The following ERBB4 variants were observed in gnomAD, a reference collection of about 807,000 sequenced individuals.
ERBB4 encodes the protein erb-b2 receptor tyrosine kinase 4, also known as receptor tyrosine-protein kinase erbB-4.
A neutral mutation model predicts 158.0 loss-of-function variants in ERBB4; 42 were observed. The ratio of observed to expected loss-of-function variants is 0.27; its 90% confidence interval spans 0.21 to 0.34. The LOEUF (loss-of-function observed/expected upper bound fraction) is 0.34. Among genes scored for constraint, ERBB4 ranks in the 10% least tolerant of loss-of-function variants. The pLI is 1.00. For missense variants in ERBB4, 1,333 were observed against 1,624.1 expected, an observed-to-expected ratio of 0.82 and a Z score of 3.08; for synonymous variants, 583 against 558.7, an observed-to-expected ratio of 1.04 and a Z score of -0.61.
rs1480649985 is a variant in ERBB4, at chr2:212,250,326, C to T, written c.83-125423G>A. ...CTTAAACATCTATTAATTTACACTT[C>T]CAACTGGGTGTGGAGTTTCCAACCT... On this transcript the variant is annotated intron_variant, in intron 1 of 27. Transcript: ENST00000342788. 2.0e-5 allele frequency among the ~76,000 whole-genome samples: 3 copies of T among 151,968 alleles called. No individual in the cohort carries two copies. The East Asian group carries it at 5.8e-4, about 29-fold the overall frequency.
At chr2:212,496,440 G>A (rs1690576869) in intron 1 of ERBB4, among the ~76,000 whole-genome samples, 1 of 151,996 alleles carries the variant, frequency 6.6e-6, no homozygotes, top group South Asian at 2.1e-4. Context: ...GTTGCTAATT[G>A]GACAAAGTAT....
Position 211,861,168 on chromosome 2 carries a change from GT to G in ERBB4, c.422-73010del, listed in dbSNP as rs1209589170. Reference sequence around the variant, plus strand: ...TATATATATATATTAAAAAAAAGTAGTTTTTTTTTTTTTTGAGACAGAGTCT... The same window carrying G: ...TATATATATATATTAAAAAAAAGTAGTTTTTTTTTTTTTGAGACAGAGTCT... On this transcript the variant is annotated intron_variant, in intron 3 of 27. Transcript: ENST00000342788. 5.3e-4 allele frequency among the ~76,000 whole-genome samples: 10 copies of G among 18,694 alleles called. 2 individuals are homozygous for G. Among genetic ancestry groups the G allele is most frequent in the Non-Finnish European group, 8.6e-4 (8 of 9,336 alleles). 12.3% of individuals were successfully genotyped at this position (18,694 alleles called of 152,430 possible).
chr2:212,401,131 G>A (rs1162619691), intron 1 of ERBB4, among the ~76,000 whole-genome samples: 2 of 152,090 alleles, frequency 1.3e-5, no homozygotes, highest in Non-Finnish European at 2.9e-5. Flanking sequence ...CAATGTCTGT[G>A]TATTCATTTC....
chr2:211,919,940 C>T (rs1226554418), intron 3 of ERBB4, among the ~76,000 whole-genome samples: 1 of 151,972 alleles, frequency 6.6e-6, no homozygotes, highest in Non-Finnish European at 1.5e-5. Flanking sequence ...ATTTAAACAA[C>T]CACTAATCTT....
chr2:212,053,166 G>A (rs778072342), intron 2 of ERBB4, among the ~76,000 whole-genome samples: 1 of 152,208 alleles, frequency 6.6e-6, no homozygotes, highest in Non-Finnish European at 1.5e-5. Context: ...CTGGGAAAGA[G>A]TGAGGCCGTG....
chr2:212,297,812 C>A (rs1391944068), intron 1 of ERBB4, among the ~76,000 whole-genome samples: 2 of 151,594 alleles, frequency 1.3e-5, no homozygotes, highest in South Asian at 4.2e-4. Flanking sequence ...TGACCAATAG[C>A]AATGAGTCCA....
At position 211,897,400 on chromosome 2, in the gene ERBB4, G is replaced by A. The variant is rs146570469; in HGVS notation, c.421+50030C>T. Among the ~76,000 whole-genome samples the A allele has an allele frequency of 1.5e-3, 222 of 150,190 alleles. 1 individual carries two copies. Among genetic ancestry groups the A allele is most frequent in the African/African-American group, 5.1e-3 (208 of 40,712 alleles). ...ACCTTTATAATGATGCATATGAAGG[G>A]CTCTTTTCATCTTCCTGTAAGATCA... is the stretch of plus-strand genomic sequence containing the variant. On this transcript the variant is annotated intron_variant, in intron 3 of 27. Coordinates refer to ENST00000342788, the MANE Select transcript of ERBB4 (RefSeq NM_005235.3).
chr2:212,024,543 G>A (rs891831182), intron 2 of ERBB4, among the ~76,000 whole-genome samples: 5 of 151,794 alleles, frequency 3.3e-5, no homozygotes, highest in Admixed American at 3.3e-4. Flanking sequence ...AGAATCCCTT[G>A]ACAACATTCT....
At chr2:212,445,397 C>G (rs1327338934) in intron 1 of ERBB4, among the ~76,000 whole-genome samples, 1 of 152,088 alleles carries the variant, frequency 6.6e-6, no homozygotes, top group Non-Finnish European at 1.5e-5. Flanking sequence ...TTCTGCTGGC[C>G]TAGAGGTCTT....
intron 1 of ERBB4, among the ~76,000 whole-genome samples, chr2:212,325,863 T>A (rs2087802711): frequency 6.6e-6 from 1 of 150,502 alleles, no homozygotes; most frequent in African/African-American, 2.4e-5. Flanking sequence ...ATAGGAAACA[T>A]TTTTTCCATA....
At chr2:212,148,238 T>C (rs1001716691) in intron 1 of ERBB4, among the ~76,000 whole-genome samples, 1 of 152,132 alleles carries the variant, frequency 6.6e-6, no homozygotes, top group African/African-American at 2.4e-5. Flanking sequence ...TATTCTACTT[T>C]TTTATGCAAT....
At chr2:211,709,668 G>A (rs1350960141) in intron 9 of ERBB4, among the ~76,000 whole-genome samples, 2 of 152,046 alleles carry the variant, frequency 1.3e-5, no homozygotes, top group Admixed American at 6.6e-5. Flanking sequence ...AAAGGATTGA[G>A]TCATGTTTTA....
At chr2:211,566,187 G>T (rs1380370733) in intron 19 of ERBB4, among the ~76,000 whole-genome samples, 1 of 152,148 alleles carries the variant, frequency 6.6e-6, no homozygotes, top group Non-Finnish European at 1.5e-5. Flanking sequence ...GACCAGAACT[G>T]GTAGGAAAGA....
chr2:212,126,446 G>A (rs1273388645), intron 1 of ERBB4, among the ~76,000 whole-genome samples: 3 of 117,772 alleles, frequency 2.5e-5, no homozygotes, highest in Non-Finnish European at 5.0e-5. Context: ...GAGCAACAGA[G>A]TGAGACTCTG....
intron 1 of ERBB4, among the ~76,000 whole-genome samples, chr2:212,226,524 C>A (rs2083476640): frequency 6.6e-6 from 1 of 151,988 alleles, no homozygotes; most frequent in South Asian, 2.1e-4. Context: ...AGGAAAGAAA[C>A]CATAATTATA....
chr2:211,384,484 A>C (rs1312109979), intron 27 of ERBB4, among the ~76,000 whole-genome samples: 1 of 152,198 alleles, frequency 6.6e-6, no homozygotes, highest in African/African-American at 2.4e-5. Context: ...AAGAATCTAT[A>C]GCTGAGTTCC....
chr2:211,531,310 C>T (rs1328309326), intron 20 of ERBB4, among the ~76,000 whole-genome samples: 1 of 152,006 alleles, frequency 6.6e-6, no homozygotes, highest in Non-Finnish European at 1.5e-5. Flanking sequence ...CAAAAAAGGA[C>T]ACATGGGATC....
chr2:212,477,548 A>C (rs1046289690), intron 1 of ERBB4, among the ~76,000 whole-genome samples: 7 of 152,212 alleles, frequency 4.6e-5, no homozygotes, highest in South Asian at 2.1e-4. Flanking sequence ...TAAAGTTGCC[A>C]AATTCCTATA....
At chr2:211,471,424 G>A (rs1161307564) in intron 20 of ERBB4, among the ~76,000 whole-genome samples, 1 of 151,954 alleles carries the variant, frequency 6.6e-6, no homozygotes, top group Admixed American at 6.6e-5. Flanking sequence ...ATAAGTAAGG[G>A]AATTTTAAAT....
Sources: allele counts gnomAD v4.1 joint callset (sites outside exome capture counted in the v4.1 genomes callset), GRCh38; gene constraint gnomAD v4.1.1; transcripts MANE v1.5; gene names NCBI Gene and HGNC (gene_info 2026-07-23, HGNC 2026-07-21).